PI4K2B: variants seen among roughly 807,000 people sequenced by gnomAD.
PI4K2B encodes the protein phosphatidylinositol 4-kinase type 2 beta.
In PI4K2B, 46 loss-of-function variants were observed where a neutral mutation model predicts 56.6. That is an observed-to-expected ratio of 0.81 (90% CI 0.64 to 1.04). The LOEUF (loss-of-function observed/expected upper bound fraction) is 1.04. Among genes scored for constraint, PI4K2B ranks in the 50% least tolerant of loss-of-function variants. The probability of loss-of-function intolerance (pLI) is 0.00; values close to 1 mark genes in which losing one functional copy is unlikely to be tolerated. For missense variants in PI4K2B, 556 were observed against 607.7 expected (o/e 0.91, Z 0.89); for synonymous variants, 211 against 223.8 (o/e 0.94, Z 0.51).
intron 8 of PI4K2B, among the ~76,000 whole-genome samples, 162 bp from the exon 9 acceptor site, chr4:25,268,982 G>A (rs922784982): frequency 1.3e-5 from 2 of 152,134 alleles, no homozygotes; most frequent in African/African-American, 4.8e-5. Flanking sequence ...CATTCTGGGA[G>A]TATACAAAAA....
chr4:25,250,390 A>C (rs1297643863), intron 1 of PI4K2B, among the ~76,000 whole-genome samples: 1 of 152,198 alleles, frequency 6.6e-6, no homozygotes, highest in Non-Finnish European at 1.5e-5. Context: ...GTGGGAGCTA[A>C]ATGATGAGAA....
chr4:25,270,740 T>C (rs1186926179), intron 9 of PI4K2B, among the ~76,000 whole-genome samples: 1 of 152,220 alleles, frequency 6.6e-6, no homozygotes, highest in Admixed American at 6.5e-5. Flanking sequence ...GGCTCACTGT[T>C]AGATGACTTC....
chr4:25,272,126 C>A (rs1251220122), intron 9 of PI4K2B, among the ~76,000 whole-genome samples: 1 of 151,226 alleles, frequency 6.6e-6, no homozygotes, highest in African/African-American at 2.4e-5. Context: ...GCCTGGGCAG[C>A]AGAGCAAGAC....
chr4:25,237,232 G>C (rs1715299631), intron 1 of PI4K2B, among the ~76,000 whole-genome samples: 1 of 152,200 alleles, frequency 6.6e-6, no homozygotes, highest in South Asian at 2.1e-4. Context: ...AGTGAATTCG[G>C]TAGTAATGAC....
intron 1 of PI4K2B, among the ~76,000 whole-genome samples, chr4:25,249,896 C>T (rs1212250297): frequency 1.3e-5 from 2 of 152,136 alleles, no homozygotes; most frequent in Non-Finnish European, 2.9e-5. Context: ...TGTAGTGAGC[C>T]GAGATCACGC....
intron 1 of PI4K2B, among the ~76,000 whole-genome samples, chr4:25,235,258 T>TCCC (rs1465560776): frequency 6.6e-6 from 1 of 152,206 alleles, no homozygotes; most frequent in African/African-American, 2.4e-5. Context: ...ATGGTACACC[T>TCCC]CCCTGCTGGT....
intron 9 of PI4K2B, among the ~76,000 whole-genome samples, chr4:25,273,322 C>T (rs1312037401): frequency 6.6e-6 from 1 of 151,934 alleles, no homozygotes; most frequent in African/African-American, 2.4e-5. Flanking sequence ...TCCATGTGAC[C>T]TGAAAAAATG....
At chr4:25,273,916 T>C (rs1717004349) in intron 9 of PI4K2B, among the ~76,000 whole-genome samples, 1 of 152,148 alleles carries the variant, frequency 6.6e-6, no homozygotes, top group Admixed American at 6.6e-5. Flanking sequence ...GCTTGGCAAA[T>C]CTGAACTGCT....
chr4:25,245,014 G>A (rs1056048414), intron 1 of PI4K2B, among the ~76,000 whole-genome samples: 1 of 152,180 alleles, frequency 6.6e-6, no homozygotes, highest in Non-Finnish European at 1.5e-5. Context: ...GGATCTCCAG[G>A]GTTGGAAGAG....
chr4:25,260,927 C>T (rs754874823), intron 6 of PI4K2B, among the ~76,000 whole-genome samples: 53 of 141,902 alleles, frequency 3.7e-4, no homozygotes, highest in Non-Finnish European at 7.4e-4. Flanking sequence ...AGGCTGGTCT[C>T]GAACTTCTGG....
chr4:25,257,867 G>A (rs1310349219), intron 4 of PI4K2B, among the ~76,000 whole-genome samples: 2 of 152,148 alleles, frequency 1.3e-5, no homozygotes, highest in African/African-American at 4.8e-5. Flanking sequence ...TTAGTTATAA[G>A]TATTTTAAAG....
At position 25,269,208 on chromosome 4, in the gene PI4K2B, G is replaced by A. The variant is rs377394004; in HGVS notation, c.1272+5G>A. 92 of 1,499,398 alleles carry A rather than the reference G, an allele frequency of 6.1e-5. No homozygotes were observed. The highest frequency in any genetic ancestry group is 7.7e-5 in the Non-Finnish European group (83 of 1,078,262). The allele number at this position is 1,499,398 out of a possible 1,614,324, so 92.9% of individuals were successfully genotyped here. ...ATGTCTGTGATGAGGGGTCAGGTAA[G>A]TTACCTTTTTATTTGTTCATAAGGA... On this transcript the variant is annotated splice_donor_5th_base_variant and intron_variant, in intron 9 of 9. Coordinates refer to ENST00000264864, the MANE Select transcript of PI4K2B (RefSeq NM_018323.4).
intron 1 of PI4K2B, among the ~76,000 whole-genome samples, chr4:25,249,151 TC>T (rs1715923535): frequency 6.6e-6 from 1 of 152,194 alleles, no homozygotes; most frequent in Non-Finnish European, 1.5e-5. Flanking sequence ...ATTAACAGCA[TC>T]CCAAGGCAGA....
chr4:25,242,888 C>T (rs776405364), intron 1 of PI4K2B, among the ~76,000 whole-genome samples: 32 of 152,172 alleles, frequency 2.1e-4, no homozygotes, highest in Non-Finnish European at 4.4e-4. Flanking sequence ...AACTTGTTCC[C>T]TATATTCATG....
At chr4:25,254,561 C>T (rs1716183625) in intron 2 of PI4K2B, 1 of 152,070 alleles carries the variant, frequency 6.6e-6, no homozygotes, top group African/African-American at 2.4e-5. Context: ...CTACAGGTGC[C>T]CTCCACCACG....
intron 3 of PI4K2B, among the ~76,000 whole-genome samples, chr4:25,255,969 A>C (rs891167359): frequency 6.8e-6 from 1 of 147,806 alleles, no homozygotes; most frequent in Admixed American, 6.7e-5. Context: ...CCCAGGCTGG[A>C]GTATAGGGAT....
intron 8 of PI4K2B, among the ~76,000 whole-genome samples, 164 bp from the exon 9 acceptor site, chr4:25,268,980 G>T (rs1716765586): frequency 6.6e-6 from 1 of 152,106 alleles, no homozygotes; most frequent in Non-Finnish European, 1.5e-5. Flanking sequence ...GTCATTCTGG[G>T]AGTATACAAA....
intron 1 of PI4K2B, among the ~76,000 whole-genome samples, chr4:25,239,649 C>G (rs900027790): frequency 5.9e-5 from 9 of 152,234 alleles, no homozygotes; most frequent in African/African-American, 2.2e-4. Context: ...GGAGCTGGCT[C>G]TGGCCTCAGC....
rs766150246 is a variant in PI4K2B at position 25,277,029 on chromosome 4, C to G, written c.1288C>G (p.Gln430Glu). Residue 430 changes from glutamine (Q) to glutamate (E), a missense_variant, in exon 10 of 10, where the codon CAG (glutamine) becomes GAG (glutamate). Gln to Glu is a conservative substitution (Grantham distance 29, BLOSUM62 2). Coordinates refer to ENST00000264864, the MANE Select transcript of PI4K2B (RefSeq NM_018323.4). Reference protein sequence around the residue: ...VMRGQILNLTQALRDGKSPFQ... With the variant: ...VMRGQILNLTEALRDGKSPFQ... ...CTTCCCACAGATCTTAAACCTTACTCAGGCATTGAGAGACGGGAAGAGTCC... is the reference window on the plus strand; with the variant it reads ...CTTCCCACAGATCTTAAACCTTACTGAGGCATTGAGAGACGGGAAGAGTCC... 6.9e-6 allele frequency: 11 copies of G among 1,584,680 alleles called. No individual in the cohort carries two copies. The highest frequency in any genetic ancestry group is 8.6e-6 in the Non-Finnish European group (10 of 1,159,698).
Sources: allele counts gnomAD v4.1 joint callset (sites outside exome capture counted in the v4.1 genomes callset), GRCh38; gene constraint gnomAD v4.1.1; transcripts MANE v1.5; gene names NCBI Gene and HGNC (gene_info 2026-07-23, HGNC 2026-07-21).